The following CACNA2D4 variants were observed in gnomAD, a reference collection of about 807,000 sequenced individuals.
CACNA2D4 encodes calcium voltage-gated channel auxiliary subunit alpha2delta 4.
A neutral mutation model predicts 163.8 loss-of-function variants in CACNA2D4; 157 were observed. That is an observed-to-expected ratio of 0.96 (90% confidence interval 0.84 to 1.09). The LOEUF (loss-of-function observed/expected upper bound fraction) is 1.09, where lower values mean the gene tolerates loss of function less well. Ranked by LOEUF, CACNA2D4 falls within the 50% of genes least tolerant of loss-of-function variation. The pLI, the probability that CACNA2D4 is intolerant of heterozygous loss-of-function variation, is 0.00. For synonymous variants in CACNA2D4, 598 were observed against 586.9 expected, an observed-to-expected ratio of 1.02 and a Z score of -0.27; for missense variants, 1,410 against 1,479.9, an observed-to-expected ratio of 0.95 and a Z score of 0.78.
In CACNA2D4 at chr12:1,828,362, T is replaced by G; in HGVS notation, c.2551+12377A>C. On this transcript the variant is annotated intron_variant, in intron 26 of 37. Transcript: ENST00000382722. This position sits in a 1 kb window ranked among gnomAD's most constrained non-coding sequence, Gnocchi z 4.2. The stretch of plus-strand genomic sequence containing the variant: ...TCCTGGGGTACCCGAGGCTATGTTC[T>G]GGGAAGCCAGGGTCACGCCCACGGT... 1.4e-6 allele frequency: 1 copy of G among 697,564 alleles called. No individual in the cohort carries two copies. 43.2% of individuals were successfully genotyped at this position (697,564 alleles called of 1,614,324 possible).
chr12:1,885,315 G>A (rs909615565), intron 9 of CACNA2D4, among the ~76,000 whole-genome samples: 11 of 152,144 alleles, frequency 7.2e-5, no homozygotes, highest in African/African-American at 2.7e-4. Flanking sequence ...CTATTGATGG[G>A]AAACGCCAAG....
chr12:1,864,691 G>C (rs1215570780), intron 18 of CACNA2D4, among the ~76,000 whole-genome samples: 1 of 152,186 alleles, frequency 6.6e-6, no homozygotes, highest in Non-Finnish European at 1.5e-5. Flanking sequence ...CCCAGCAGAC[G>C]CTCCTCCGCA....
At chr12:1,827,157 A>G (rs563759809) in intron 26 of CACNA2D4, among the ~76,000 whole-genome samples, 1 of 147,654 alleles carries the variant, frequency 6.8e-6, no homozygotes, top group East Asian at 2.1e-4. Flanking sequence ...TGCCAGCTGC[A>G]GCAGGTAAAC....
At chr12:1,817,620 A>ATT (rs199658785) in intron 26 of CACNA2D4, among the ~76,000 whole-genome samples, 2,090 of 152,218 alleles carry the variant, frequency 0.014, 66 homozygotes, top group East Asian at 0.078. Flanking sequence ...AGTGCCTGCG[A>ATT]TTGCAGGCGT....
intron 4 of CACNA2D4, 21 bp downstream of exon 4, chr12:1,909,885 A>G: frequency 6.2e-7 from 1 of 1,609,906 alleles, no homozygotes; most frequent in Non-Finnish European, 8.5e-7. Flanking sequence ...CTCTGGCACC[A>G]GTGCCAGGAG....
chr12:1,878,387 A>G lies in CACNA2D4; in HGVS notation c.1647T>C (p.Leu549=), dbSNP rs1387936264. The change falls in exon 16 of 38, where the codon CTT becomes CTC. Residue 549 remains leucine, a splice_region_variant and synonymous_variant. Coordinates refer to ENST00000382722, the MANE Select transcript of CACNA2D4 (RefSeq NM_172364.5). This position sits in a 1 kb window ranked among gnomAD's most constrained non-coding sequence, Gnocchi z 4.6. The part of the protein sequence containing the change: ...ELMKLAPRYK[L]GVHGYAFLNT... ...TCAGAAAGGCGTATCCGTGCACTCC[A>G]AGCTGCCAGAGTCCAGGGTGGAGGC... The G allele has an allele frequency of 6.2e-7, 1 of 1,600,544 alleles. No homozygotes were observed. The highest frequency in any genetic ancestry group is 8.5e-7 in the Non-Finnish European group (1 of 1,173,802).
chr12:1,879,664 G>A (rs1348813322), intron 14 of CACNA2D4, 140 bp downstream of exon 14: 1 of 702,590 alleles, frequency 1.4e-6, no homozygotes, highest in Non-Finnish European at 2.5e-6. Flanking sequence ...AGCTACTCTG[G>A]GACAGGCCTG....
At chr12:1,858,705 G>A in intron 19 of CACNA2D4, 61 bp from the exon 20 acceptor site, 1 of 1,408,492 alleles carries the variant, frequency 7.1e-7, no homozygotes, top group Non-Finnish European at 9.8e-7. Context: ...TGTCTCCCGG[G>A]CCTCGTCCTT....
In CACNA2D4 at chr12:1,860,175, A is replaced by T. The variant is rs1340796960; in HGVS notation, c.1910T>A (p.Phe637Tyr). 1.2e-6 allele frequency: 2 copies of T among 1,613,874 alleles called. No homozygotes were observed. The highest frequency in any genetic ancestry group is 2.2e-5 in the East Asian group (1 of 44,890). ...AGGGGTGTCGCTGATGTCCGTGAAG[A>T]AGTAGTCATTGGTCAGGAAAAGAAC... ...KRVLFLTNDY[F>Y]FTDISDTPFS... Residue 637 changes from phenylalanine to tyrosine, a missense_variant, in exon 19 of 38, where the codon TTC becomes TAC. Coordinates refer to ENST00000382722, the MANE Select transcript of CACNA2D4 (RefSeq NM_172364.5).
intron 6 of CACNA2D4, among the ~76,000 whole-genome samples, chr12:1,887,714 T>C (rs1359510370): frequency 6.6e-6 from 1 of 152,214 alleles, no homozygotes; most frequent in African/African-American, 2.4e-5. Context: ...TTTGTATAGA[T>C]GCACAGAAAA....
chr12:1,907,603 T>C, intron 5 of CACNA2D4, 32 bp from the exon 6 acceptor site: 10 of 1,595,396 alleles, frequency 6.3e-6, no homozygotes, highest in Non-Finnish European at 8.6e-6. Context: ...TATGATCCTG[T>C]AGAACTTCTC....
chr12:1,801,139 G>C (rs371688953), intron 30 of CACNA2D4, 21 bp from the exon 31 acceptor site: 1 of 1,609,190 alleles, frequency 6.2e-7, no homozygotes, highest in Admixed American at 1.7e-5. Flanking sequence ...GAAGCGGGCT[G>C]TGATGAGTCC....
At chr12:1,912,534 T>A (rs10848593) in intron 3 of CACNA2D4, among the ~76,000 whole-genome samples, 18,192 of 152,160 alleles carry the variant, frequency 0.12, 1,192 homozygotes, top group East Asian at 0.15. Flanking sequence ...TGGGTCCTGA[T>A]GGCTGAATGA....
At chr12:1,808,476 G>C (rs947641111) in intron 29 of CACNA2D4, among the ~76,000 whole-genome samples, 2 of 152,200 alleles carry the variant, frequency 1.3e-5, no homozygotes, top group Non-Finnish European at 2.9e-5. Context: ...CTCACAGATC[G>C]CCCATGGCTG....
At chr12:1,845,179 C>T (rs1214242119) in intron 24 of CACNA2D4, among the ~76,000 whole-genome samples, 1 of 152,138 alleles carries the variant, frequency 6.6e-6, no homozygotes, top group African/African-American at 2.4e-5. Flanking sequence ...CCAGAAGCAA[C>T]CTGCCTTGTG....
rs1864035974 is a variant in CACNA2D4 at position 1,820,244 on chromosome 12, G to C, written c.2552-8521C>G. 1 of 152,002 alleles carries C rather than the reference G, an allele frequency of 6.6e-6. No individual in the cohort carries two copies. 9.4% of individuals were successfully genotyped at this position (152,002 alleles called of 1,614,324 possible). A position where few individuals can be genotyped will look rare whatever the true frequency, so the allele number is the denominator to read the frequency against. On this transcript the variant is annotated intron_variant, in intron 26 of 37. Transcript: ENST00000382722. The surrounding 1 kb of genome is among the most constrained non-coding windows in gnomAD (Gnocchi z 6.0). Reference sequence around the variant, plus strand: ...GAGAGAGGCACAGAAGACAGGTGCAGCCGGGGGGGTGAGGGAGAGCCTGGA... The same window carrying C: ...GAGAGAGGCACAGAAGACAGGTGCACCCGGGGGGGTGAGGGAGAGCCTGGA...
chr12:1,803,752 C>A (rs1863417492), intron 29 of CACNA2D4, among the ~76,000 whole-genome samples: 1 of 152,208 alleles, frequency 6.6e-6, no homozygotes, highest in Non-Finnish European at 1.5e-5. Flanking sequence ...ATTCATAAGG[C>A]ACTCACCAGG....
At chr12:1,848,988 C>T (rs949991758) in intron 23 of CACNA2D4, among the ~76,000 whole-genome samples, 1 of 152,128 alleles carries the variant, frequency 6.6e-6, no homozygotes, top group Non-Finnish European at 1.5e-5. Context: ...CTCTGGGGTC[C>T]CTTGGGCACA....
rs1017778063 is a variant in CACNA2D4 at position 1,883,567 on chromosome 12, GT to G, written c.1352-568del. ...TCTCCACGCCCCCACCTCCCACCGTGTTCATCCCCCTCGCCAGTGAGATGCA... is the reference window on the plus strand; with the variant it reads ...TCTCCACGCCCCCACCTCCCACCGTGTCATCCCCCTCGCCAGTGAGATGCA... On this transcript the variant is annotated intron_variant, in intron 12 of 37. Transcript: ENST00000382722. This position sits in a 1 kb window ranked among gnomAD's most constrained non-coding sequence, Gnocchi z 4.5. Among the ~76,000 whole-genome samples, 5 of 152,048 alleles carry G rather than the reference GT, an allele frequency of 3.3e-5. No individual in the cohort carries two copies. Among genetic ancestry groups the G allele is most frequent in the African/African-American group, 1.2e-4 (5 of 41,384 alleles).
Sources: gnomAD v4.1 joint callset for allele counts (sites outside exome capture counted in the v4.1 genomes callset) on GRCh38, gnomAD v4.1.1 for gene constraint, Gnocchi (gnomAD v3.1) non-coding constraint, MANE v1.5 for transcripts, NCBI Gene and HGNC (gene_info 2026-07-23, HGNC 2026-07-21) for gene names.